The following SLC22A8 variants were observed in gnomAD, a reference collection of about 807,000 sequenced individuals.
SLC22A8 encodes the protein organic anion transporter 3.
In SLC22A8, 40 loss-of-function variants were observed where a neutral mutation model predicts 48.4. The observed-to-expected ratio is 0.83, with a 90% CI of 0.64 to 1.08. SLC22A8 has a LOEUF of 1.08. Among genes scored for constraint, SLC22A8 ranks in the 50% least tolerant of loss-of-function variants. The pLI is 0.00. For synonymous variants in SLC22A8, 268 were observed against 286.3 expected (o/e 0.94, Z 0.65); for missense variants, 606 against 699.0 (o/e 0.87, Z 1.50).
At position 62,995,621 on chromosome 11, in the gene SLC22A8, G is replaced by A. The variant is rs2086406931; in HGVS notation, c.1001+83C>T. 2.5e-5 allele frequency: 24 copies of A among 946,674 alleles called. 1 individual carries two copies. Among genetic ancestry groups the A allele is most frequent in the South Asian group, 2.3e-4 (17 of 72,652 alleles). The allele number at this position is 946,674 out of a possible 1,614,324, so 58.6% of individuals were successfully genotyped here. A position where few individuals can be genotyped will look rare whatever the true frequency, so the allele number is the denominator to read the frequency against. On this transcript the variant is annotated intron_variant, in intron 7 of 10. Transcript: ENST00000336232. ...TCTGACTTCTCTTTCAGATGCCCTAGGCCTTGCCCTTAAGTGAGCCTACTG... is the reference window on the plus strand; with the variant it reads ...TCTGACTTCTCTTTCAGATGCCCTAAGCCTTGCCCTTAAGTGAGCCTACTG...
At chr11:63,015,613 C>T (rs752662937) in intron 1 of SLC22A8, 116 bp downstream of exon 1, 8 of 152,314 alleles carry the variant, frequency 5.3e-5, no homozygotes, top group South Asian at 2.1e-4. Flanking sequence ...TGTAAGAGCC[C>T]GAAGCAGGTC....
intron 8 of SLC22A8, 53 bp downstream of exon 8, chr11:62,994,489 A>C (rs1590687309): frequency 1.6e-5 from 22 of 1,418,610 alleles, no homozygotes. Context: ...AGTCCCTGGC[A>C]CCCAACCTGG....
chr11:62,996,678 T>C (rs938247139), intron 5 of SLC22A8, among the ~76,000 whole-genome samples: 1 of 152,180 alleles, frequency 6.6e-6, no homozygotes, highest in Non-Finnish European at 1.5e-5. Context: ...CTAACTCTGC[T>C]GGGGGAGTTG....
chr11:63,001,336 TC>T (rs1364295400), intron 2 of SLC22A8, among the ~76,000 whole-genome samples: 1 of 152,144 alleles, frequency 6.6e-6, no homozygotes, highest in Non-Finnish European at 1.5e-5. Flanking sequence ...CTTTCCTCAT[TC>T]ACTCCATTTC....
In SLC22A8 at chr11:63,014,775, G is replaced by A. The variant is rs2086655854; in HGVS notation, c.184C>T (p.Leu62Phe). The change falls in exon 2 of 11, where the codon CTC becomes TTC. Residue 62 changes from leucine to phenylalanine, a missense_variant. Coordinates refer to ENST00000336232, the MANE Select transcript of SLC22A8 (RefSeq NM_004254.4). ...GGCTTCCCATTTGGGCCCATGGGGAGCACCCAAGGCCCTGTGGAGGCATTG... is the reference window on the plus strand; with the variant it reads ...GGCTTCCCATTTGGGCCCATGGGGAACACCCAAGGCCCTGTGGAGGCATTG... Reference protein sequence around the residue: ...PHNASTGPWVLPMGPNGKPER... With the variant: ...PHNASTGPWVFPMGPNGKPER... The A allele has an allele frequency of 6.2e-7, 1 of 1,613,904 alleles. No individual in the cohort carries two copies. Among genetic ancestry groups the A allele is most frequent in the Non-Finnish European group, 8.5e-7 (1 of 1,179,780 alleles).
chr11:62,997,440 G>A (rs1228968190), intron 5 of SLC22A8, among the ~76,000 whole-genome samples: 3 of 151,970 alleles, frequency 2.0e-5, no homozygotes, highest in African/African-American at 7.3e-5. Flanking sequence ...TGGCCAGGCT[G>A]GTCTGAAACT....
chr11:62,995,559 T>G, intron 7 of SLC22A8, 145 bp downstream of exon 7: 1 of 626,726 alleles, frequency 1.6e-6, no homozygotes. Flanking sequence ...ATTTCTGGGG[T>G]TGGGGCTGGG....
In SLC22A8 at chr11:63,000,832, G is replaced by C. The variant is rs780211950; in HGVS notation, c.334-9C>G. ...TTGCACACCAAGTCCCACTGCACAA[G>C]AGAAAGGTAGGGCTAGCCTAACTCA... On this transcript the variant is annotated splice_polypyrimidine_tract_variant and intron_variant, in intron 2 of 10. Coordinates refer to ENST00000336232, the MANE Select transcript of SLC22A8 (RefSeq NM_004254.4). 2 of 1,606,024 alleles carry C rather than the reference G, an allele frequency of 1.2e-6. No homozygotes were observed. Among genetic ancestry groups the C allele is most frequent in the Non-Finnish European group, 1.7e-6 (2 of 1,172,674 alleles).
chr11:63,008,810 A>G (rs763917500), intron 2 of SLC22A8, among the ~76,000 whole-genome samples: 2 of 152,102 alleles, frequency 1.3e-5, no homozygotes, highest in Non-Finnish European at 2.9e-5. Context: ...TTGACCCACC[A>G]TCATGTCTGG....
Position 62,994,741 on chromosome 11 carries a change from A to C in SLC22A8, c.1017T>G (p.Phe339Leu), listed in dbSNP as rs369022223. ...CLSLAWFATGFAYYSLAMGVE... is the reference protein window; with the variant it reads ...CLSLAWFATGLAYYSLAMGVE... ...CACCCATAGCCAAACTATAGTAGGCAAAACCGGTAGCAAACCTGAGAGGCA... is the reference window on the plus strand; with the variant it reads ...CACCCATAGCCAAACTATAGTAGGCCAAACCGGTAGCAAACCTGAGAGGCA... Residue 339 changes from phenylalanine (F) to leucine (L), a missense_variant, in exon 8 of 11, where the codon TTT becomes TTG. Phe to Leu is a conservative substitution (Grantham distance 22). Transcript: ENST00000336232. The C allele has an allele frequency of 1.6e-4, 259 of 1,614,066 alleles. No homozygotes were observed. The highest frequency in any genetic ancestry group is 1.9e-4 in the Non-Finnish European group (229 of 1,179,988).
At position 63,015,831 on chromosome 11, in the gene SLC22A8, T is replaced by C. The variant is rs1590704701; in HGVS notation, c.-128A>G. ...CTGCTGTAGTAGGGCAGCTCAGCTC[T>C]AACAAGCTGTGTTTGTGCCTCCCCC... On this transcript the variant is annotated 5_prime_UTR_variant, in exon 1 of 11. Transcript: ENST00000336232. 1 of 152,400 alleles carries C rather than the reference T, an allele frequency of 6.6e-6. No individual in the cohort carries two copies. The highest frequency in any genetic ancestry group is 2.4e-5 in the African/African-American group (1 of 41,452). The allele number at this position is 152,400 out of a possible 1,614,324, so 9.4% of individuals were successfully genotyped here. A position where few individuals can be genotyped will look rare whatever the true frequency, so the allele number is the denominator to read the frequency against.
rs2086361985 is a variant in SLC22A8 at position 62,993,089 on chromosome 11, G to A, written c.*148C>T. 3 of 627,854 alleles carry A rather than the reference G, an allele frequency of 4.8e-6. No homozygotes were observed. The highest frequency in any genetic ancestry group is 2.7e-5 in the East Asian group (1 of 36,454). The allele number at this position is 627,854 out of a possible 1,614,324, so 38.9% of individuals were successfully genotyped here. On this transcript the variant is annotated 3_prime_UTR_variant, in exon 11 of 11. Coordinates refer to ENST00000336232, the MANE Select transcript of SLC22A8 (RefSeq NM_004254.4). The stretch of plus-strand genomic sequence containing the variant: ...TGAACTGGCCAGGGCTGGGCAGGAG[G>A]CTCTGGTGGTGGTGATGGAGACACC...
chr11:62,999,834 CG>C lies in SLC22A8; in HGVS notation c.445del (p.Arg149AlafsTer5), dbSNP rs1565297225. 6.4e-7 allele frequency: 1 copy of C among 1,552,282 alleles called. No homozygotes were observed. Among genetic ancestry groups the C allele is most frequent in the African/African-American group, 1.4e-5 (1 of 72,530 alleles). On this transcript the variant is annotated frameshift_variant, in exon 4 of 11. Coordinates refer to ENST00000336232, the MANE Select transcript of SLC22A8 (RefSeq NM_004254.4). LOFTEE classifies it high-confidence loss of function. ...VLGDLSDRFG[R>X]RPILTCSYLL... ...GTAGCTGCAGGTCAGGATGGGCCTGCGGCCAAACCTGTAGCTCGAAGGAGAG... is the reference window on the plus strand; with the variant it reads ...GTAGCTGCAGGTCAGGATGGGCCTGCGCCAAACCTGTAGCTCGAAGGAGAG...
chr11:62,993,765 C>T lies in SLC22A8; in HGVS notation c.1325+5G>A. ...GCTGGGCCTGGCCCCAGGTCCAGCA[C>T]CTACCTGATGACTGTGGGGTATAAT... On this transcript the variant is annotated splice_donor_5th_base_variant and intron_variant, in intron 9 of 10. Transcript: ENST00000336232. 6.2e-7 allele frequency: 1 copy of T among 1,608,196 alleles called. No individual in the cohort carries two copies. Among genetic ancestry groups the T allele is most frequent in the South Asian group, 1.1e-5 (1 of 90,978 alleles).
Position 62,994,729 on chromosome 11 carries a change from A to G in SLC22A8, c.1029T>C (p.Ser343=). Residue 343 remains serine, a synonymous_variant, in exon 8 of 11, where the codon AGT becomes AGC. Transcript: ENST00000336232. ...AWFATGFAYY[S]LAMGVEEFGV... Reference sequence around the variant, plus strand: ...CAAATTCTTCCACACCCATAGCCAAACTATAGTAGGCAAAACCGGTAGCAA... The same window carrying G: ...CAAATTCTTCCACACCCATAGCCAAGCTATAGTAGGCAAAACCGGTAGCAA... 1 of 1,614,224 alleles carries G rather than the reference A, an allele frequency of 6.2e-7. No homozygotes were observed. The highest frequency in any genetic ancestry group is 8.5e-7 in the Non-Finnish European group (1 of 1,180,024).
intron 2 of SLC22A8, among the ~76,000 whole-genome samples, chr11:63,007,203 G>A (rs2086565945): frequency 6.6e-6 from 1 of 152,178 alleles, no homozygotes; most frequent in Admixed American, 6.5e-5. Context: ...GGGAAGAAAG[G>A]CAACTTGTTG....
At chr11:63,002,024 A>G (rs1018192051) in intron 2 of SLC22A8, among the ~76,000 whole-genome samples, 1 of 152,114 alleles carries the variant, frequency 6.6e-6, no homozygotes, top group South Asian at 2.1e-4. Context: ...CCTGGGCTAA[A>G]GCCATCCTCC....
chr11:62,997,286 A>G (rs1590690277), intron 5 of SLC22A8, among the ~76,000 whole-genome samples: 3 of 152,160 alleles, frequency 2.0e-5, no homozygotes, highest in African/African-American at 4.8e-5. Context: ...GTGCAATGGC[A>G]TGATCTCTGC....
At chr11:63,001,523 T>A (rs1440533757) in intron 2 of SLC22A8, among the ~76,000 whole-genome samples, 2 of 152,210 alleles carry the variant, frequency 1.3e-5, no homozygotes. Flanking sequence ...AATCCTGGCC[T>A]GGCTTGCCCT....
Sources: gnomAD v4.1 joint callset for allele counts (sites outside exome capture counted in the v4.1 genomes callset) on GRCh38, gnomAD v4.1.1 for gene constraint, MANE v1.5 for transcripts, NCBI Gene and HGNC (gene_info 2026-07-23, HGNC 2026-07-21) for gene names.